FMN2: variants seen among roughly 807,000 people sequenced by gnomAD.
FMN2 encodes formin 2, also known as formin-2.
FMN2 carries 51 observed loss-of-function variants against 142.3 expected under a neutral mutation model. That is an observed-to-expected ratio of 0.36 (90% confidence interval 0.29 to 0.45). FMN2 has a LOEUF of 0.45. Among genes scored for constraint, FMN2 ranks in the 20% least tolerant of loss-of-function variants. The pLI is 1.00. For missense variants in FMN2, 1,936 were observed against 2,122.8 expected (o/e 0.91, Z 1.73); for synonymous variants, 882 against 869.8 (o/e 1.01, Z -0.25).
At chr1:240,469,472 T>G (rs1031676006) in intron 16 of FMN2, among the ~76,000 whole-genome samples, 1 of 152,096 alleles carries the variant, frequency 6.6e-6, no homozygotes, top group African/African-American at 2.4e-5. Flanking sequence ...GGCATAAACC[T>G]GAAAACCAGT....
At chr1:240,352,319 C>T (rs887278699) in intron 13 of FMN2, among the ~76,000 whole-genome samples, 12 of 152,124 alleles carry the variant, frequency 7.9e-5, no homozygotes, top group East Asian at 1.9e-4. Flanking sequence ...GCTCAGAGGC[C>T]GGTAGTAATC....
chr1:240,328,169 A>AAAAAAAAAAAAAAAAG (rs1572198299), intron 8 of FMN2, among the ~76,000 whole-genome samples: 1 of 125,082 alleles, frequency 8.0e-6, no homozygotes, highest in Non-Finnish European at 1.7e-5. Flanking sequence ...AAAAAAAAAA[A>AAAAAAAAAAAAAAAAG]AAAGAAAAAG....
At position 240,207,510 on chromosome 1, in the gene FMN2, C is replaced by T; in HGVS notation, c.2698C>T (p.Pro900Ser). 6.2e-7 allele frequency: 1 copy of T among 1,613,568 alleles called. No individual in the cohort carries two copies. Among genetic ancestry groups the T allele is most frequent in the Non-Finnish European group, 8.5e-7 (1 of 1,179,820 alleles). Residue 900 changes from proline (P) to serine (S), a missense_variant, in exon 5 of 18, where the codon CCT (proline) becomes TCT (serine). Coordinates refer to ENST00000319653, the MANE Select transcript of FMN2 (RefSeq NM_020066.5). ...TLPSTAIPQPPPLQGTEMLPP... is the reference protein window; with the variant it reads ...TLPSTAIPQPSPLQGTEMLPP... ...GCCCAGTACAGCCATTCCCCAACCT[C>T]CTCCTCTGCAGGGTACAGAAATGCT...
intron 6 of FMN2, among the ~76,000 whole-genome samples, chr1:240,249,046 G>A (rs1214343942): frequency 6.6e-6 from 1 of 152,004 alleles, no homozygotes; most frequent in Non-Finnish European, 1.5e-5. Context: ...CCATTAAACA[G>A]GCAATGTCTT....
At chr1:240,172,010 A>G (rs978085136) in intron 2 of FMN2, among the ~76,000 whole-genome samples, 2 of 152,208 alleles carry the variant, frequency 1.3e-5, no homozygotes, top group Non-Finnish European at 2.9e-5. Flanking sequence ...ACCCAAAAAT[A>G]AAACTGTGAT....
chr1:240,261,164 A>G (rs555178616), intron 7 of FMN2, among the ~76,000 whole-genome samples: 6 of 152,236 alleles, frequency 3.9e-5, no homozygotes, highest in African/African-American at 1.2e-4. Flanking sequence ...GCCTTATAGT[A>G]TAGTTTGAAG....
chr1:240,470,620 A>AT (rs1288287752), intron 16 of FMN2, among the ~76,000 whole-genome samples: 1 of 152,174 alleles, frequency 6.6e-6, no homozygotes, highest in Non-Finnish European at 1.5e-5. Flanking sequence ...CTGTCATTAG[A>AT]TTTTTTGCCA....
intron 14 of FMN2, among the ~76,000 whole-genome samples, chr1:240,360,155 C>T (rs532778575): frequency 6.6e-6 from 1 of 152,196 alleles, no homozygotes; most frequent in African/African-American, 2.4e-5. Context: ...ATTTCCCTTG[C>T]AAATTTAGCT....
chr1:240,174,609 A>C (rs1380660359), intron 2 of FMN2, among the ~76,000 whole-genome samples: 1 of 151,984 alleles, frequency 6.6e-6, no homozygotes, highest in Non-Finnish European at 1.5e-5. Context: ...CAAGCAATTT[A>C]CCTGACTTTG....
chr1:240,462,343 C>T (rs1676475082), intron 16 of FMN2, among the ~76,000 whole-genome samples: 1 of 151,918 alleles, frequency 6.6e-6, no homozygotes, highest in Non-Finnish European at 1.5e-5. Flanking sequence ...AACATAATGC[C>T]CTAAATATTT....
chr1:240,143,880 G>A (rs1459149044), intron 2 of FMN2: 1 of 1,586,080 alleles, frequency 6.3e-7, no homozygotes, highest in East Asian at 2.2e-5. Context: ...GGCAGCAGCA[G>A]TGTTAGGACA....
intron 2 of FMN2, among the ~76,000 whole-genome samples, chr1:240,155,839 G>T (rs1484970994): frequency 6.8e-6 from 1 of 146,796 alleles, no homozygotes; most frequent in Non-Finnish European, 1.5e-5. Flanking sequence ...GGACTCTTTA[G>T]CTATATCATT....
In FMN2 at chr1:240,418,141, G is replaced by C. The variant is rs534727913; in HGVS notation, c.4911-19920G>C. On this transcript the variant is annotated intron_variant, in intron 15 of 17. Transcript: ENST00000319653. ...TTTATTTTATCTGAATTTTTATTTT[G>C]ATATTCAATCTGATAGACTTTGTTT... Among the ~76,000 whole-genome samples the C allele has an allele frequency of 4.7e-5, 7 of 150,020 alleles. No homozygotes were observed. In the East Asian group the frequency reaches 1.4e-3, roughly 29 times the overall value.
At chr1:240,319,819 C>A (rs776341727) in intron 8 of FMN2, among the ~76,000 whole-genome samples, 10 of 152,080 alleles carry the variant, frequency 6.6e-5, no homozygotes, top group Non-Finnish European at 1.0e-4. Flanking sequence ...AGTTGCTTAG[C>A]ACCATTCATA....
At chr1:240,147,091 T>A (rs1419796979) in intron 2 of FMN2, among the ~76,000 whole-genome samples, 2 of 152,178 alleles carry the variant, frequency 1.3e-5, no homozygotes, top group Non-Finnish European at 2.9e-5. Flanking sequence ...TTGGGGCTTT[T>A]TTTTCTTGTT....
chr1:240,383,874 G>A (rs187166327), intron 14 of FMN2, among the ~76,000 whole-genome samples: 69 of 147,298 alleles, frequency 4.7e-4, no homozygotes, highest in Non-Finnish European at 9.4e-4. Context: ...CAGATGACTG[G>A]AGAAAGAAAA....
intron 6 of FMN2, among the ~76,000 whole-genome samples, chr1:240,228,552 C>T (rs1011689087): frequency 8.6e-5 from 13 of 151,784 alleles, no homozygotes; most frequent in African/African-American, 2.4e-4. Context: ...GATAAGGATG[C>T]GGAGAAACTG....
At position 240,474,234 on chromosome 1, in the gene FMN2, A is replaced by T. The variant is rs1233660515; in HGVS notation, c.*80A>T. 1.6e-6 allele frequency: 2 copies of T among 1,260,556 alleles called. No homozygotes were observed. The highest frequency in any genetic ancestry group is 5.8e-5 in the Admixed American group (2 of 34,444). The allele number at this position is 1,260,556 out of a possible 1,614,324, so 78.1% of individuals were successfully genotyped here. ...CTGACCTGAGAGTGGGAGGGAAACT[A>T]CCGTCATTCTGCTCATGTTTCTTCT... On this transcript the variant is annotated 3_prime_UTR_variant, in exon 18 of 18. Coordinates refer to ENST00000319653, the MANE Select transcript of FMN2 (RefSeq NM_020066.5).
At position 240,123,340 on chromosome 1, in the gene FMN2, T is replaced by A. The variant is rs752081791; in HGVS notation, c.1777T>A (p.Phe593Ile). 2 of 1,613,534 alleles carry A rather than the reference T, an allele frequency of 1.2e-6. No homozygotes were observed. Among genetic ancestry groups the A allele is most frequent in the East Asian group, 2.2e-5 (1 of 44,856 alleles). Residue 593 changes from phenylalanine (F) to isoleucine (I), a missense_variant, in exon 2 of 18, where the codon TTT (phenylalanine) becomes ATT (isoleucine). Phe to Ile is a conservative substitution (Grantham distance 21). This residue lies in a region of FMN2 where 478 missense variants were observed against 462.8 expected (regional missense o/e 1.03). Transcript: ENST00000319653. The part of the protein sequence containing the change: ...NQNAQTNAAS[F>I]DQDQLYTWAA... ...GAATGCCCAGACGAATGCAGCTTCG[T>A]TTGATGTAAGTAGGAGAATTCACTT...
Sources: allele counts gnomAD v4.1 joint callset (sites outside exome capture counted in the v4.1 genomes callset), GRCh38; gene constraint gnomAD v4.1.1; regional missense constraint gnomAD v4.1.1; transcripts MANE v1.5; gene names NCBI Gene and HGNC (gene_info 2026-07-23, HGNC 2026-07-21).